RPRD2: variants seen among roughly 807,000 people sequenced by gnomAD.
RPRD2 encodes the protein regulation of nuclear pre-mRNA domain containing 2.
A neutral mutation model predicts 104.4 loss-of-function variants in RPRD2; 12 were observed. That is an observed-to-expected ratio of 0.11 (90% confidence interval 0.07 to 0.19). The LOEUF (loss-of-function observed/expected upper bound fraction) is 0.19, where lower values mean the gene tolerates loss of function less well. Among genes scored for constraint, RPRD2 ranks in the 10% least tolerant of loss-of-function variants. The pLI is 1.00. For synonymous variants in RPRD2, 714 were observed against 684.9 expected, an observed-to-expected ratio of 1.04 and a Z score of -0.66; for missense variants, 1,543 against 1,790.1, an observed-to-expected ratio of 0.86 and a Z score of 2.49.
At chr1:150,444,408 G>A in intron 6 of RPRD2, 31 bp downstream of exon 6, 1 of 1,600,270 alleles carries the variant, frequency 6.2e-7, no homozygotes, top group Non-Finnish European at 8.5e-7. Flanking sequence ...GAGTAAGTCA[G>A]ATTTTCTTTC....
intron 10 of RPRD2, among the ~76,000 whole-genome samples, chr1:150,469,963 CA>C (rs1668497193): frequency 6.6e-6 from 1 of 152,002 alleles, no homozygotes; most frequent in Admixed American, 6.6e-5. Context: ...CATTGTTTTT[CA>C]AAAAGTAACA....
intron 1 of RPRD2, among the ~76,000 whole-genome samples, chr1:150,400,662 G>A (rs1553885151): frequency 6.6e-6 from 1 of 152,118 alleles, no homozygotes. Context: ...CATTGGGGTT[G>A]GGAAACCCTG....
At chr1:150,423,922 G>C (rs1390611826) in intron 2 of RPRD2, among the ~76,000 whole-genome samples, 1 of 151,058 alleles carries the variant, frequency 6.6e-6, no homozygotes, top group Non-Finnish European at 1.5e-5. Flanking sequence ...CCTCCTGAGA[G>C]GCTGGGATTA....
At chr1:150,387,460 T>C (rs1289339795) in intron 1 of RPRD2, among the ~76,000 whole-genome samples, 2 of 151,250 alleles carry the variant, frequency 1.3e-5, no homozygotes, top group African/African-American at 4.9e-5. Context: ...ATGATTGTAC[T>C]GGGTTGCAGG....
Position 150,474,974 on chromosome 1 carries a change from T to C in RPRD2, c.*1640T>C, listed in dbSNP as rs1668817387. The C allele has an allele frequency of 6.6e-6, 1 of 152,154 alleles. No individual in the cohort carries two copies. Among genetic ancestry groups the C allele is most frequent in the African/African-American group, 2.4e-5 (1 of 41,424 alleles). 9.4% of individuals were successfully genotyped at this position (152,154 alleles called of 1,614,324 possible). A position where few individuals can be genotyped will look rare whatever the true frequency, so the allele number is the denominator to read the frequency against. On this transcript the variant is annotated 3_prime_UTR_variant, in exon 11 of 11. Transcript: ENST00000369068. Reference sequence around the variant, plus strand: ...CATAAACCAGGTGCACATCATGATTTGGGAGTTTTTGCGTAATTTATTCTG... The same window carrying C: ...CATAAACCAGGTGCACATCATGATTCGGGAGTTTTTGCGTAATTTATTCTG...
intron 1 of RPRD2, among the ~76,000 whole-genome samples, chr1:150,402,850 C>G (rs587734780): frequency 1.3e-5 from 2 of 152,258 alleles, no homozygotes; most frequent in East Asian, 3.9e-4. Flanking sequence ...GGCCTGTAAT[C>G]CCAATTACTC....
intron 1 of RPRD2, among the ~76,000 whole-genome samples, chr1:150,370,869 CTCT>C (rs1157128756): frequency 6.6e-6 from 1 of 152,184 alleles, no homozygotes; most frequent in Non-Finnish European, 1.5e-5. Flanking sequence ...AGCCACCGCA[CTCT>C]TCTTAGCTAT....
intron 1 of RPRD2, among the ~76,000 whole-genome samples, chr1:150,391,320 C>T (rs1480688428): frequency 6.6e-5 from 10 of 152,022 alleles, no homozygotes; most frequent in African/African-American, 2.2e-4. Flanking sequence ...TTATTTAATT[C>T]ATTTATTTAT....
At chr1:150,455,823 T>A (rs1417076784) in intron 7 of RPRD2, among the ~76,000 whole-genome samples, 3 of 152,038 alleles carry the variant, frequency 2.0e-5, no homozygotes, top group Non-Finnish European at 4.4e-5. Flanking sequence ...AACAAACTAT[T>A]TTTGTTTTGA....
intron 2 of RPRD2, among the ~76,000 whole-genome samples, chr1:150,433,634 T>A (rs13374465): frequency 6.8e-6 from 1 of 147,522 alleles, no homozygotes; most frequent in Non-Finnish European, 1.5e-5. Context: ...TTAGTAGAGA[T>A]GGGGTTTCAC....
rs1194198837 is a variant in RPRD2 at position 150,417,479 on chromosome 1, T to C, written c.206-117T>C. The C allele has an allele frequency of 3.3e-5, 24 of 730,604 alleles. No individual in the cohort carries two copies. The East Asian group carries it at 6.6e-4, about 20-fold the overall frequency. The allele number at this position is 730,604 out of a possible 1,614,324, so 45.3% of individuals were successfully genotyped here. A position where few individuals can be genotyped will look rare whatever the true frequency, so the allele number is the denominator to read the frequency against. ...ATGTAATTACATTCATCTTTTTATA[T>C]CCATGTAAGAAAAAAAAAATAACCA... On this transcript the variant is annotated intron_variant, in intron 1 of 10. Coordinates refer to ENST00000369068, the MANE Select transcript of RPRD2 (RefSeq NM_015203.5).
At chr1:150,465,792 C>T (rs587696932) in intron 10 of RPRD2, among the ~76,000 whole-genome samples, 3 of 152,222 alleles carry the variant, frequency 2.0e-5, no homozygotes, top group Admixed American at 1.3e-4. Context: ...GGTGCAGTTG[C>T]TCACGCCTGT....
At chr1:150,435,829 T>G (rs1205609678) in intron 2 of RPRD2, among the ~76,000 whole-genome samples, 2 of 152,186 alleles carry the variant, frequency 1.3e-5, no homozygotes, top group Non-Finnish European at 2.9e-5. Flanking sequence ...TCAAGGTAGA[T>G]GAAACAGCCT....
intron 1 of RPRD2, among the ~76,000 whole-genome samples, chr1:150,368,498 T>C (rs1186246760): frequency 4.7e-5 from 7 of 149,388 alleles, no homozygotes; most frequent in Admixed American, 2.0e-4. Flanking sequence ...AGTTTCACTC[T>C]TTTCACCCAT....
At chr1:150,367,137 ATGT>A (rs1338881564) in intron 1 of RPRD2, among the ~76,000 whole-genome samples, 2 of 152,270 alleles carry the variant, frequency 1.3e-5, no homozygotes, top group African/African-American at 2.4e-5. Context: ...GCTAAATATG[ATGT>A]TGTTTTTCTA....
At chr1:150,383,200 G>T (rs1242081025) in intron 1 of RPRD2, among the ~76,000 whole-genome samples, 1 of 151,646 alleles carries the variant, frequency 6.6e-6, no homozygotes, top group African/African-American at 2.4e-5. Context: ...TTGCTATGTT[G>T]CCCAGGCTGG....
At position 150,431,473 on chromosome 1, in the gene RPRD2, A is replaced by ATTTTTTTTTTTTTTTTTTTTTTTT. The variant is rs1160491386; in HGVS notation, c.336-9449_336-9426dup. On this transcript the variant is annotated intron_variant, in intron 2 of 10. Coordinates refer to ENST00000369068, the MANE Select transcript of RPRD2 (RefSeq NM_015203.5). ...TATTATTCAGTCTTAAAAAGGAAGG[A>ATTTTTTTTTTTTTTTTTTTTTTTT]TTTTTTTTTTTTTTTTTTTTTTTTG... Among the ~76,000 whole-genome samples, 174 of 78,806 alleles carry ATTTTTTTTTTTTTTTTTTTTTTTT rather than the reference A, an allele frequency of 2.2e-3. 14 individuals carry two copies. The highest frequency in any genetic ancestry group is 8.1e-3 in the South Asian group (13 of 1,608). 51.7% of individuals were successfully genotyped at this position (78,806 alleles called of 152,430 possible).
At chr1:150,442,126 TAAA>T (rs59941019) in intron 4 of RPRD2, among the ~76,000 whole-genome samples, 168 bp downstream of exon 4, 2 of 126,518 alleles carry the variant, frequency 1.6e-5, no homozygotes, top group African/African-American at 3.0e-5. Flanking sequence ...GAGATACTTC[TAAA>T]AAAAAAAAAA....
intron 1 of RPRD2, among the ~76,000 whole-genome samples, chr1:150,413,593 A>G (rs1236507092): frequency 2.0e-5 from 3 of 150,390 alleles, no homozygotes; most frequent in African/African-American, 7.3e-5. Flanking sequence ...ACAAGAGTGA[A>G]ACTCTGTCTC....
Sources: gnomAD v4.1 joint callset for allele counts (sites outside exome capture counted in the v4.1 genomes callset) on GRCh38, gnomAD v4.1.1 for gene constraint, MANE v1.5 for transcripts, NCBI Gene and HGNC (gene_info 2026-07-23, HGNC 2026-07-21) for gene names.